Variants in NCKAP5 observed in about 807,000 individuals in gnomAD.
The protein encoded by NCKAP5 is nck-associated protein 5.
In NCKAP5, 92 loss-of-function variants were observed where a neutral mutation model predicts 167.0. The observed-to-expected ratio is 0.55, with a 90% CI of 0.47 to 0.66. The LOEUF is 0.66. Among genes scored for constraint, NCKAP5 ranks in the 30% least tolerant of loss-of-function variants. NCKAP5 has a pLI of 0.00. For synonymous variants in NCKAP5, 891 were observed against 877.4 expected, an observed-to-expected ratio of 1.02 and a Z score of -0.27; for missense variants, 2,378 against 2,315.0, an observed-to-expected ratio of 1.03 and a Z score of -0.56.
chr2:133,535,505 TTG>T (rs533739780), intron 2 of NCKAP5, among the ~76,000 whole-genome samples: 1 of 152,204 alleles, frequency 6.6e-6, no homozygotes, highest in South Asian at 2.1e-4. Flanking sequence ...TTCCATGGTG[TTG>T]TGTGTGTGTA....
chr2:133,201,464 T>G (rs920441367), intron 5 of NCKAP5, among the ~76,000 whole-genome samples: 8 of 151,972 alleles, frequency 5.3e-5, no homozygotes. Context: ...CACAAAAGAG[T>G]ACACACTGTA....
At chr2:132,788,351 G>A (rs1683767099) in intron 13 of NCKAP5, among the ~76,000 whole-genome samples, 1 of 152,004 alleles carries the variant, frequency 6.6e-6, no homozygotes, top group South Asian at 2.1e-4. Context: ...TTTTCTAAAG[G>A]GTCTTAATGG....
At chr2:133,249,138 G>C (rs529075540) in intron 4 of NCKAP5, among the ~76,000 whole-genome samples, 2 of 151,598 alleles carry the variant, frequency 1.3e-5, no homozygotes, top group Admixed American at 6.6e-5. Flanking sequence ...TTCTCATCCA[G>C]AACTTTGAAT....
At chr2:132,779,969 G>C (rs890995430) in intron 15 of NCKAP5, among the ~76,000 whole-genome samples, 1 of 152,036 alleles carries the variant, frequency 6.6e-6, no homozygotes, top group African/African-American at 2.4e-5. Context: ...ATTCCATAAA[G>C]AGAATATTTT....
chr2:133,144,579 G>A (rs767039830), intron 5 of NCKAP5, among the ~76,000 whole-genome samples: 20 of 152,000 alleles, frequency 1.3e-4, no homozygotes, highest in Non-Finnish European at 2.1e-4. Context: ...AGCTACTGTC[G>A]AAAATGAAAA....
At chr2:133,470,352 G>C (rs2151277388) in intron 3 of NCKAP5, among the ~76,000 whole-genome samples, 1 of 152,308 alleles carries the variant, frequency 6.6e-6, no homozygotes, top group African/African-American at 2.4e-5. Flanking sequence ...CCCACTTGAG[G>C]AGGCAGTCTG....
chr2:133,166,500 T>C (rs1048365305), intron 5 of NCKAP5, among the ~76,000 whole-genome samples: 1 of 152,202 alleles, frequency 6.6e-6, no homozygotes, highest in Non-Finnish European at 1.5e-5. Context: ...TTTGTCCCTC[T>C]AGTGTAAAGA....
intron 8 of NCKAP5, among the ~76,000 whole-genome samples, chr2:132,897,347 A>G (rs1213977119): frequency 2.0e-5 from 3 of 152,204 alleles, no homozygotes; most frequent in Non-Finnish European, 4.4e-5. Flanking sequence ...GCTTATTTCT[A>G]TGTCTCAACA....
At chr2:133,597,964 C>T in the NCKAP5 span, among the ~76,000 whole-genome samples, 3 of 152,114 alleles carry the variant, frequency 2.0e-5, no homozygotes, top group East Asian at 1.9e-4. Context: ...GCATAAAAAC[C>T]GGCATGGGTA....
intron 8 of NCKAP5, among the ~76,000 whole-genome samples, chr2:132,909,867 G>T (rs1360239390): frequency 2.0e-5 from 3 of 152,148 alleles, no homozygotes; most frequent in Non-Finnish European, 4.4e-5. Context: ...GATATGAGTA[G>T]CAAGCTCTTA....
chr2:133,393,182 T>C (rs952495426), intron 3 of NCKAP5, among the ~76,000 whole-genome samples: 1 of 152,206 alleles, frequency 6.6e-6, no homozygotes, highest in Non-Finnish European at 1.5e-5. Flanking sequence ...GAATAATCCA[T>C]TATGCTTATT....
At chr2:133,665,032 T>C in the NCKAP5 span, among the ~76,000 whole-genome samples, 2 of 152,218 alleles carry the variant, frequency 1.3e-5, no homozygotes, top group African/African-American at 2.4e-5. Context: ...TAAAGTCTTG[T>C]TCTAGATTAG....
chr2:132,874,299 G>T (rs1313262540), intron 9 of NCKAP5, among the ~76,000 whole-genome samples: 1 of 151,968 alleles, frequency 6.6e-6, no homozygotes, highest in South Asian at 2.1e-4. Flanking sequence ...TAGTAGAGAC[G>T]AGGTTTCACT....
At chr2:133,180,072 T>G (rs560846393) in intron 5 of NCKAP5, among the ~76,000 whole-genome samples, 1 of 152,050 alleles carries the variant, frequency 6.6e-6, no homozygotes, top group Non-Finnish European at 1.5e-5. Flanking sequence ...AAAGGAAGTC[T>G]TGAAAGCAGT....
rs115772091 is a variant in NCKAP5 at position 133,160,359 on chromosome 2, C to A, written c.208-30248G>T. Among the ~76,000 whole-genome samples the A allele has an allele frequency of 9.9e-3, 1,447 of 146,834 alleles. 10 individuals carry two copies. Among genetic ancestry groups the A allele is most frequent in the Admixed American group, 0.016 (235 of 14,798 alleles). ...ATTCCAGTCTCCAAGATGACTTCAT[C>A]TTAATAAATTACATCTCCAAAGACT... On this transcript the variant is annotated intron_variant, in intron 5 of 19. Coordinates refer to ENST00000409261, the MANE Select transcript of NCKAP5 (RefSeq NM_207363.3).
At chr2:133,192,162 T>G (rs536085907) in intron 5 of NCKAP5, among the ~76,000 whole-genome samples, 2 of 152,112 alleles carry the variant, frequency 1.3e-5, no homozygotes, top group South Asian at 4.1e-4. Context: ...TCCAACTAAT[T>G]TTTGACAAAT....
rs115990534 is a variant in NCKAP5, at chr2:133,130,273, G to A, written c.208-162C>T. Among the ~76,000 whole-genome samples, 909 of 152,216 alleles carry A rather than the reference G, an allele frequency of 6.0e-3. 17 individuals carry two copies. The highest frequency in any genetic ancestry group is 0.02 in the African/African-American group (851 of 41,542). On this transcript the variant is annotated intron_variant, in intron 5 of 19. Coordinates refer to ENST00000409261, the MANE Select transcript of NCKAP5 (RefSeq NM_207363.3). Reference sequence around the variant, plus strand: ...TTCTTAATCTCTTGTTATAGACAACGAAACCAAGGATCAGAGACACCTAAG... The same window carrying A: ...TTCTTAATCTCTTGTTATAGACAACAAAACCAAGGATCAGAGACACCTAAG...
intron 3 of NCKAP5, among the ~76,000 whole-genome samples, chr2:133,332,037 C>G (rs1248577188): frequency 2.6e-5 from 4 of 152,116 alleles, no homozygotes. Flanking sequence ...ACCCCAACAC[C>G]ACCATCTCTG....
intron 8 of NCKAP5, among the ~76,000 whole-genome samples, chr2:132,895,346 C>CA (rs563409400): frequency 0.03 from 2,123 of 71,136 alleles, 27 homozygotes; most frequent in African/African-American, 0.034. Context: ...GACTCTGTCT[C>CA]AAAAAAAAAA....
Sources: allele counts gnomAD v4.1 joint callset (sites outside exome capture counted in the v4.1 genomes callset), GRCh38; gene constraint gnomAD v4.1.1; transcripts MANE v1.5; gene names NCBI Gene and HGNC (gene_info 2026-07-23, HGNC 2026-07-21).